Variants in MYH9 observed in about 807,000 individuals in gnomAD.
MYH9 encodes myosin heavy chain 9.
A neutral mutation model predicts 241.9 loss-of-function variants in MYH9; 29 were observed. The observed-to-expected ratio is 0.12, with a 90% CI of 0.09 to 0.16. The LOEUF is 0.16. Ranked by LOEUF, MYH9 falls within the 10% of genes least tolerant of loss-of-function variation. The pLI is 1.00. For synonymous variants in MYH9, 1,047 were observed against 1,062.6 expected (o/e 0.99, Z 0.29); for missense variants, 1,803 against 2,595.5 (o/e 0.69, Z 6.63).
intron 1 of MYH9, among the ~76,000 whole-genome samples, chr22:36,379,887 G>C (rs894915933): frequency 2.0e-5 from 3 of 152,356 alleles, no homozygotes; most frequent in South Asian, 2.1e-4. Flanking sequence ...TCTCAGGCTC[G>C]AGAAGCTAAT....
At chr22:36,341,621 C>A in intron 2 of MYH9, 95 bp from the exon 3 acceptor site, 1 of 1,432,546 alleles carries the variant, frequency 7.0e-7, no homozygotes, top group South Asian at 1.2e-5. Flanking sequence ...TTCAAAGGAC[C>A]CCTGAGTCAG....
rs934610435 is a variant in MYH9, at chr22:36,305,465, A to G, written c.2160-363T>C. On this transcript the variant is annotated intron_variant, in intron 17 of 40. Coordinates refer to ENST00000216181, the MANE Select transcript of MYH9 (RefSeq NM_002473.6). The surrounding 1 kb of genome is among the most constrained non-coding windows in gnomAD (Gnocchi z 4.7). ...ACGCTGCAGGGAGCTGCTAATAAAC[A>G]GAGATGGCCCAAGAAATAAAGGGCT... is the stretch of plus-strand genomic sequence containing the variant. Among the ~76,000 whole-genome samples, 1 of 152,228 alleles carries G rather than the reference A, an allele frequency of 6.6e-6. No individual in the cohort carries two copies. The highest frequency in any genetic ancestry group is 1.5e-5 in the Non-Finnish European group (1 of 68,040).
At chr22:36,386,261 C>G (rs1022522785) in intron 1 of MYH9, among the ~76,000 whole-genome samples, 1 of 152,158 alleles carries the variant, frequency 6.6e-6, no homozygotes, top group Non-Finnish European at 1.5e-5. Context: ...ACTCAACCTC[C>G]CACCCCCCCA....
chr22:36,312,190 G>A lies in MYH9; in HGVS notation c.1587C>T (p.Asp529=), dbSNP rs753996104. 20 of 1,614,006 alleles carry A rather than the reference G, an allele frequency of 1.2e-5. No individual in the cohort carries two copies. Among genetic ancestry groups the A allele is most frequent in the East Asian group, 2.2e-5 (1 of 44,886 alleles). The part of the protein sequence containing the change: ...AGPPGILALL[D]EECWFPKATD... ...TGGCTTTGGGGAACCAGCACTCCTC[G>A]TCCAGCAGGGCCAGAATGCCCGGGG... is the stretch of plus-strand genomic sequence containing the variant. Residue 529 remains aspartate (D), a synonymous_variant, in exon 14 of 41, where the codon GAC becomes GAT. Transcript: ENST00000216181.
In MYH9 at chr22:36,294,232, C is replaced by A; in HGVS notation, c.3697G>T (p.Val1233Leu). The change falls in exon 28 of 41, where the codon GTG (valine) becomes TTG (leucine). Residue 1233 changes from valine to leucine, a missense_variant. Transcript: ENST00000216181. ...CCTTTGCCCTGCAGCAGCACCTTCACCTCGTTGGCCAGCTCCCCCCGCTCG... is the reference window on the plus strand; with the variant it reads ...CCTTTGCCCTGCAGCAGCACCTTCAACTCGTTGGCCAGCTCCCCCCGCTCG... ...ENERGELANE[V>L]KVLLQGKGDS... The A allele has an allele frequency of 6.2e-7, 1 of 1,614,126 alleles. No individual in the cohort carries two copies. The highest frequency in any genetic ancestry group is 1.1e-5 in the South Asian group (1 of 91,086).
chr22:36,291,991 C>A lies in MYH9; in HGVS notation c.4339G>T (p.Asp1447Tyr). ...TGGGGCCAACGGCCACACACCTGGT[C>A]AAACTTCTTCTGCTTCTTCTCCAGG... is the stretch of plus-strand genomic sequence containing the variant. ...CNLEKKQKKF[D>Y]QLLAEEKTIS... The change falls in exon 31 of 41, where the codon GAC (aspartate) becomes TAC (tyrosine). Residue 1447 changes from aspartate (D) to tyrosine (Y), a missense_variant. Physicochemically the swap from Asp to Tyr is radical, Grantham distance 160. Coordinates refer to ENST00000216181, the MANE Select transcript of MYH9 (RefSeq NM_002473.6). The A allele has an allele frequency of 6.2e-7, 1 of 1,614,166 alleles. No individual in the cohort carries two copies. Among genetic ancestry groups the A allele is most frequent in the South Asian group, 1.1e-5 (1 of 91,052 alleles).
chr22:36,322,404 G>C, intron 6 of MYH9, 25 bp downstream of exon 6: 2 of 1,611,956 alleles, frequency 1.2e-6, no homozygotes, highest in Non-Finnish European at 1.7e-6. Context: ...TGTCCCCAGA[G>C]CCGGGGCGCC....
chr22:36,291,200 C>T (rs1026775517), intron 31 of MYH9, among the ~76,000 whole-genome samples: 11 of 151,862 alleles, frequency 7.2e-5, no homozygotes, highest in Admixed American at 1.3e-4. Flanking sequence ...TCATTGATAG[C>T]GGGCCATGAT....
At chr22:36,337,128 G>C (rs2017512426) in intron 3 of MYH9, among the ~76,000 whole-genome samples, 1 of 151,930 alleles carries the variant, frequency 6.6e-6, no homozygotes, top group African/African-American at 2.4e-5. Context: ...GCAATGCTTA[G>C]TCCAGTAGTT....
chr22:36,297,220 T>C, intron 24 of MYH9: 1 of 604,054 alleles, frequency 1.7e-6, no homozygotes, highest in South Asian at 2.0e-5. Context: ...TCTCTCCAAC[T>C]CACCCCTTGT....
chr22:36,385,181 TC>T (rs74336786), intron 1 of MYH9, among the ~76,000 whole-genome samples: 6 of 151,696 alleles, frequency 4.0e-5, no homozygotes, highest in African/African-American at 1.5e-4. Flanking sequence ...TCTCTCTCTC[TC>T]TTTTTCCTTT....
chr22:36,289,386 GC>G, intron 31 of MYH9, 89 bp from the exon 32 acceptor site: 2 of 1,256,664 alleles, frequency 1.6e-6, no homozygotes, highest in Non-Finnish European at 2.2e-6. Flanking sequence ...GGAAGGAGGA[GC>G]CCAGAGGCCA....
chr22:36,282,810 G>C, intron 40 of MYH9, 25 bp from the exon 41 acceptor site: 1 of 1,593,894 alleles, frequency 6.3e-7, no homozygotes, highest in Non-Finnish European at 8.5e-7. Flanking sequence ...AGAAGCAGAG[G>C]GTCAGCGGGC....
intron 1 of MYH9, among the ~76,000 whole-genome samples, chr22:36,364,060 GA>G (rs1323724535): frequency 2.0e-5 from 3 of 152,198 alleles, no homozygotes; most frequent in African/African-American, 7.2e-5. Context: ...GTCTCAGTGG[GA>G]AAGTGCAGCA....
chr22:36,336,592 G>A (rs961628606), intron 3 of MYH9, among the ~76,000 whole-genome samples: 36 of 152,218 alleles, frequency 2.4e-4, no homozygotes, highest in African/African-American at 8.2e-4. Context: ...ACCCAGGAAC[G>A]GCCATGACAA....
At chr22:36,339,664 C>T (rs933492995) in intron 3 of MYH9, among the ~76,000 whole-genome samples, 1 of 152,136 alleles carries the variant, frequency 6.6e-6, no homozygotes, top group African/African-American at 2.4e-5. Context: ...AAGTGGTTAA[C>T]CCAACAAGAT....
chr22:36,292,127 G>C lies in MYH9; in HGVS notation c.4203C>G (p.His1401Gln), dbSNP rs539186034. 6.8e-6 allele frequency: 11 copies of C among 1,614,032 alleles called. No homozygotes were observed. Among genetic ancestry groups the C allele is most frequent in the African/African-American group, 1.3e-5 (1 of 74,944 alleles). The part of the protein sequence containing the change: ...QKDLEGLSQR[H>Q]EEKVAAYDKL... ...TGTCGTAGGCGGCCACCTTCTCCTC[G>C]TGCCGCTGGCTCAGGCCCTCCAGGT... The change falls in exon 31 of 41, where the codon CAC (histidine) becomes CAG (glutamine). Residue 1401 changes from histidine to glutamine, a missense_variant. Transcript: ENST00000216181.
rs374059179 is a variant in MYH9 at position 36,302,243 on chromosome 22, A to G, written c.2499+325T>C. On this transcript the variant is annotated intron_variant, in intron 20 of 40. Transcript: ENST00000216181. The stretch of plus-strand genomic sequence containing the variant: ...AGTTGGTTTTTCGCCATTACCATAA[A>G]TTATGTATTATACACAAAAGCAGCC... 823 of 298,082 alleles carry G rather than the reference A, an allele frequency of 2.8e-3. 21 individuals are homozygous for G. The highest frequency in any genetic ancestry group is 0.022 in the South Asian group (632 of 28,872). The allele number at this position is 298,082 out of a possible 1,614,324, so 18.5% of individuals were successfully genotyped here.
At chr22:36,338,342 A>G (rs577678017) in intron 3 of MYH9, among the ~76,000 whole-genome samples, 2 of 152,250 alleles carry the variant, frequency 1.3e-5, no homozygotes, top group South Asian at 2.1e-4. Context: ...TCGTCAGTCA[A>G]TGTGGGAGCT....
Sources: gnomAD v4.1 joint callset for allele counts (sites outside exome capture counted in the v4.1 genomes callset) on GRCh38, gnomAD v4.1.1 for gene constraint, Gnocchi (gnomAD v3.1) non-coding constraint, MANE v1.5 for transcripts, NCBI Gene and HGNC (gene_info 2026-07-23, HGNC 2026-07-21) for gene names.